The following WDR75 variants were observed in gnomAD, a reference collection of about 807,000 sequenced individuals.
WDR75 encodes the protein WD repeat-containing protein 75.
Under a neutral mutation model 106.1 loss-of-function variants are expected in WDR75, and 52 were observed. That is an observed-to-expected ratio of 0.49 (90% CI 0.39 to 0.62). The LOEUF (loss-of-function observed/expected upper bound fraction) is 0.62, where lower values mean the gene tolerates loss of function less well. Among genes scored for constraint, WDR75 ranks in the 20% least tolerant of loss-of-function variants. The pLI, the probability that WDR75 is intolerant of heterozygous loss-of-function variation, is 0.00. For synonymous variants in WDR75, 333 were observed against 335.5 expected, an observed-to-expected ratio of 0.99 and a Z score of 0.08; for missense variants, 905 against 970.3, an observed-to-expected ratio of 0.93 and a Z score of 0.89.
At chr2:189,463,621 A>G in intron 9 of WDR75, 73 bp from the exon 10 acceptor site, 1 of 1,479,382 alleles carries the variant, frequency 6.8e-7, no homozygotes, top group Admixed American at 1.8e-5. Context: ...ATAAAAAGCC[A>G]CCCTGAGCCA....
chr2:189,460,412 C>G (rs1468789683), intron 8 of WDR75, among the ~76,000 whole-genome samples: 4 of 151,948 alleles, frequency 2.6e-5, no homozygotes, highest in African/African-American at 4.8e-5. Context: ...GTAGGCTGCT[C>G]ATTTGTATTC....
intron 13 of WDR75, 89 bp from the exon 14 acceptor site, chr2:189,467,379 C>A: frequency 7.3e-7 from 1 of 1,371,284 alleles, no homozygotes; most frequent in Non-Finnish European, 9.9e-7. Flanking sequence ...AGAAAGTGAA[C>A]CCTCAGATAA....
At chr2:189,466,646 A>G in intron 13 of WDR75, 64 bp downstream of exon 13, 1 of 1,497,906 alleles carries the variant, frequency 6.7e-7, no homozygotes, top group Non-Finnish European at 9.0e-7. Flanking sequence ...TCTTTTTCTC[A>G]TGACTTGTAT....
chr2:189,473,009 G>A (rs566178151), intron 18 of WDR75, among the ~76,000 whole-genome samples: 1 of 152,266 alleles, frequency 6.6e-6, no homozygotes, highest in African/African-American at 2.4e-5. Flanking sequence ...CTTGAGGTCA[G>A]GAGTTCGAGA....
intron 7 of WDR75, among the ~76,000 whole-genome samples, 174 bp downstream of exon 7, chr2:189,459,046 A>G (rs1193114128): frequency 1.3e-5 from 2 of 152,226 alleles, no homozygotes; most frequent in African/African-American, 4.8e-5. Flanking sequence ...AAGTGAGTGA[A>G]ACATTTTTTG....
In WDR75 at chr2:189,451,812, T is replaced by C. The variant is rs1172302203; in HGVS notation, c.290T>C (p.Ile97Thr). 6.2e-7 allele frequency: 1 copy of C among 1,613,520 alleles called. No individual in the cohort carries two copies. The highest frequency in any genetic ancestry group is 8.5e-7 in the Non-Finnish European group (1 of 1,179,666). ...GTGCTCTTTATCTTTCAGACTTTCATAGTTGGATGTAAACTTCATGCCCTC... is the reference window on the plus strand; with the variant it reads ...GTGCTCTTTATCTTTCAGACTTTCACAGTTGGATGTAAACTTCATGCCCTC... ...YIDGILIKTFIVGCKLHALFT... is the reference protein window; with the variant it reads ...YIDGILIKTFTVGCKLHALFT... Residue 97 changes from isoleucine (I) to threonine (T), a missense_variant, in exon 4 of 21, where the codon ATA becomes ACA. By Grantham distance (89) the Ile-to-Thr change is moderately conservative. Transcript: ENST00000314761.
At chr2:189,460,992 A>G (rs1280718577) in intron 8 of WDR75, among the ~76,000 whole-genome samples, 1 of 152,264 alleles carries the variant, frequency 6.6e-6, no homozygotes, top group Non-Finnish European at 1.5e-5. Flanking sequence ...TGAGAACTTC[A>G]TAACTTGAGG....
intron 15 of WDR75, among the ~76,000 whole-genome samples, chr2:189,468,952 A>ATGT (rs1558989189): frequency 6.6e-6 from 1 of 152,162 alleles, no homozygotes; most frequent in East Asian, 1.9e-4. Flanking sequence ...GTCCTAACAA[A>ATGT]TGTGAACTTA....
chr2:189,451,065 T>C (rs1686612921), intron 3 of WDR75, 97 bp downstream of exon 3: 2 of 1,378,746 alleles, frequency 1.5e-6, no homozygotes, highest in South Asian at 1.9e-5. Context: ...AATATTTAAA[T>C]AGACTTCCTA....
intron 1 of WDR75, among the ~76,000 whole-genome samples, chr2:189,442,707 C>G (rs1019868901): frequency 6.6e-6 from 1 of 152,138 alleles, no homozygotes; most frequent in Non-Finnish European, 1.5e-5. Context: ...ACCTGAACCT[C>G]CCAAAGTGCA....
chr2:189,463,179 A>G (rs544120610), intron 9 of WDR75, among the ~76,000 whole-genome samples: 2 of 152,186 alleles, frequency 1.3e-5, no homozygotes, highest in African/African-American at 4.8e-5. Flanking sequence ...TGAGCAGTCC[A>G]TTTAGTGGCA....
chr2:189,451,370 C>T (rs1308720747), intron 3 of WDR75, among the ~76,000 whole-genome samples: 1 of 152,100 alleles, frequency 6.6e-6, no homozygotes, highest in Non-Finnish European at 1.5e-5. Flanking sequence ...TATTTCCCCT[C>T]ATAAATTTAG....
At chr2:189,445,452 A>C (rs748386522) in intron 1 of WDR75, among the ~76,000 whole-genome samples, 1 of 152,108 alleles carries the variant, frequency 6.6e-6, no homozygotes, top group African/African-American at 2.4e-5. Context: ...TAGAATGAGA[A>C]GATGAGGAAG....
At chr2:189,468,338 A>G in intron 14 of WDR75, 137 bp from the exon 15 acceptor site, 1 of 703,302 alleles carries the variant, frequency 1.4e-6, no homozygotes, top group South Asian at 2.1e-5. Flanking sequence ...TTTTTTCTTC[A>G]GGATAATTAT....
At chr2:189,448,260 T>C in intron 1 of WDR75, 119 bp from the exon 2 acceptor site, 8 of 1,136,486 alleles carry the variant, frequency 7.0e-6, no homozygotes, top group Non-Finnish European at 9.5e-6. Context: ...CAGGCAGGCG[T>C]ATCACTTGAG....
chr2:189,472,189 A>C (rs1039977812), intron 18 of WDR75, among the ~76,000 whole-genome samples: 1 of 152,232 alleles, frequency 6.6e-6, no homozygotes, highest in Non-Finnish European at 1.5e-5. Context: ...GACAGTAAAC[A>C]ACATGCATTA....
intron 4 of WDR75, 116 bp downstream of exon 4, chr2:189,452,011 T>G: frequency 1.4e-6 from 1 of 725,286 alleles, no homozygotes; most frequent in South Asian, 1.9e-5. Context: ...GAATGGGCAT[T>G]TAAATTGCTT....
At chr2:189,444,698 C>T (rs1251602098) in intron 1 of WDR75, among the ~76,000 whole-genome samples, 9 of 152,050 alleles carry the variant, frequency 5.9e-5, no homozygotes, top group Admixed American at 5.9e-4. Context: ...TTGCTCTGAA[C>T]TTTTTAACAG....
chr2:189,460,002 C>T (rs1475142386), intron 8 of WDR75, among the ~76,000 whole-genome samples: 1 of 152,192 alleles, frequency 6.6e-6, no homozygotes, highest in African/African-American at 2.4e-5. Flanking sequence ...AGCTGCATGA[C>T]TTCTGTCACA....
Sources: gnomAD v4.1 joint callset for allele counts (sites outside exome capture counted in the v4.1 genomes callset) on GRCh38, gnomAD v4.1.1 for gene constraint, MANE v1.5 for transcripts, NCBI Gene and HGNC (gene_info 2026-07-23, HGNC 2026-07-21) for gene names.